Variants in CHRNE observed in about 807,000 individuals in gnomAD.
CHRNE encodes the protein acetylcholine receptor subunit epsilon.
CHRNE carries 58 observed loss-of-function variants against 56.5 expected under a neutral mutation model. The observed-to-expected ratio is 1.03, with a 90% CI of 0.83 to 1.28. CHRNE has a LOEUF of 1.28. Among genes scored for constraint, CHRNE ranks in the 50% most tolerant of loss-of-function variants. The pLI is 0.00. For missense variants in CHRNE, 793 were observed against 688.9 expected (o/e 1.15, Z -1.69); for synonymous variants, 385 against 297.9 (o/e 1.29, Z -3.01).
chr17:4,903,830 AC>A (rs1171725870), upstream of CHRNE, among the ~76,000 whole-genome samples: 2 of 151,952 alleles, frequency 1.3e-5, no homozygotes, highest in African/African-American at 4.8e-5. Context: ...ACCTGATGAC[AC>A]CTTAATAGAT....
rs1309292778 is a variant in CHRNE, at chr17:4,899,109, T to C, written c.1220-2A>G. On this transcript the variant is annotated splice_acceptor_variant, in intron 10 of 11. Coordinates refer to ENST00000649488, the MANE Select transcript of CHRNE (RefSeq NM_000080.4). LOFTEE classifies it high-confidence loss of function. ...CGCCCAGGCTCTGGCAGAAGGCAGCTGGCGGGGAAAACACCGGGGTGGGCC... is the reference window on the plus strand; with the variant it reads ...CGCCCAGGCTCTGGCAGAAGGCAGCCGGCGGGGAAAACACCGGGGTGGGCC... 7 of 1,607,446 alleles carry C rather than the reference T, an allele frequency of 4.4e-6. No individual in the cohort carries two copies. In the East Asian group the frequency reaches 6.7e-5, roughly 15 times the overall value.
In CHRNE at chr17:4,899,376, C is replaced by T; in HGVS notation, c.1041G>A (p.Leu347=). 2.0e-6 allele frequency: 3 copies of T among 1,533,848 alleles called. No individual in the cohort carries two copies. Among genetic ancestry groups the T allele is most frequent in the South Asian group, 1.2e-5 (1 of 83,658 alleles). The change falls in exon 10 of 12, where the codon CTG becomes CTA. Residue 347 remains leucine (L), a synonymous_variant. Coordinates refer to ENST00000649488, the MANE Select transcript of CHRNE (RefSeq NM_000080.4). ...AGCCCAGGAGGCGCGGCAGCAGCTC[C>T]AGGAGAACCTGGGGCAGGGGCGGGG... ...AMSPRLRHVL[L]ELLPRLLGSP... is the part of the protein sequence containing the mutation.
At position 4,898,709 on chromosome 17, in the gene CHRNE, T is replaced by G. The variant is rs954132522; in HGVS notation, c.*27A>C. The stretch of plus-strand genomic sequence containing the variant: ...TTCAAAATCAATTTCCTACTGGAGA[T>G]GGGTGGGAAATTGAAGTCGGTGCGA... On this transcript the variant is annotated 3_prime_UTR_variant, in exon 12 of 12. Coordinates refer to ENST00000649488, the MANE Select transcript of CHRNE (RefSeq NM_000080.4). 1 of 1,603,014 alleles carries G rather than the reference T, an allele frequency of 6.2e-7. No homozygotes were observed. Among genetic ancestry groups the G allele is most frequent in the African/African-American group, 1.3e-5 (1 of 74,790 alleles).
rs1567639631 is a variant in CHRNE, at chr17:4,902,039, G to A, written c.393C>T (p.Tyr131=). 3.1e-6 allele frequency: 5 copies of A among 1,614,126 alleles called. No homozygotes were observed. The highest frequency in any genetic ancestry group is 4.2e-6 in the Non-Finnish European group (5 of 1,180,046). ...GVAYDANVLV[Y]EGGSVTWLPP... is the part of the protein sequence containing the mutation. ...GCAGCCACGTCACGGAGCCGCCCTCGTAGACGAGCACGTTGGCGTCGTAGG... is the reference window on the plus strand; with the variant it reads ...GCAGCCACGTCACGGAGCCGCCCTCATAGACGAGCACGTTGGCGTCGTAGG... The change falls in exon 5 of 12, where the codon TAC becomes TAT. Residue 131 remains tyrosine, a synonymous_variant. Transcript: ENST00000649488. This position sits in a 1 kb window ranked among gnomAD's most constrained non-coding sequence, Gnocchi z 4.0.
chr17:4,898,885 ACACTT>A lies in CHRNE; in HGVS notation c.1328_1332del (p.Glu443ValfsTer11). ...GCATTCCCCATGCGCACCCAGTCGG[ACACTT>A]CCTGGGGAAGGGTCGGCACAGTCAG... On this transcript the variant is annotated frameshift_variant and splice_region_variant, in exon 12 of 12. Transcript: ENST00000649488. LOFTEE classifies it high-confidence loss of function. 1 of 1,579,356 alleles carries A rather than the reference ACACTT, an allele frequency of 6.3e-7. No homozygotes were observed. Among genetic ancestry groups the A allele is most frequent in the Non-Finnish European group, 8.6e-7 (1 of 1,163,054 alleles).
In CHRNE at chr17:4,901,183, G is replaced by A; in HGVS notation, c.609C>T (p.Gly203=). ...CCGGGCAGAAGTCGATGGCCCACTCGCCGTTCTCTGCGGGACGGGGGCACG... is the reference window on the plus strand; with the variant it reads ...CCGGGCAGAAGTCGATGGCCCACTCACCGTTCTCTGCGGGACGGGGGCACG... ...DIDTEAYTEN[G]EWAIDFCPGV... is the part of the protein sequence containing the mutation. Residue 203 remains glycine (G), a synonymous_variant, in exon 7 of 12, where the codon GGC becomes GGT. Coordinates refer to ENST00000649488, the MANE Select transcript of CHRNE (RefSeq NM_000080.4). The A allele has an allele frequency of 6.2e-7, 1 of 1,604,128 alleles. No individual in the cohort carries two copies. The highest frequency in any genetic ancestry group is 8.5e-7 in the Non-Finnish European group (1 of 1,178,960).
At chr17:4,905,927 G>C (rs1970087719), upstream of CHRNE, among the ~76,000 whole-genome samples, 1 of 152,284 alleles carries the variant, frequency 6.6e-6, no homozygotes, top group Admixed American at 6.5e-5. Context: ...GAACTTACTA[G>C]ACCAGTGTCA....
In CHRNE at chr17:4,901,620, T is replaced by A. The variant is rs148370803; in HGVS notation, c.506A>T (p.Gln169Leu). 297 of 1,613,902 alleles carry A rather than the reference T, an allele frequency of 1.8e-4. No homozygotes were observed. Among genetic ancestry groups the A allele is most frequent in the Middle Eastern group, 4.9e-4 (3 of 6,070 alleles). The change falls in exon 6 of 12, where the codon CAG becomes CTG. Residue 169 changes from glutamine (Q) to leucine (L), a missense_variant. Transcript: ENST00000649488. The part of the protein sequence containing the change: ...WQNCSLIFRS[Q>L]TYNAEEVEFT... The stretch of plus-strand genomic sequence containing the variant: ...CTCCACCTCTTCGGCATTGTACGTC[T>A]GAGAGCTGCGGAGCCAGGGCCGGGA...
chr17:4,902,611 G>C lies in CHRNE; in HGVS notation c.189+10C>G, dbSNP rs1341882862. On this transcript the variant is annotated intron_variant, in intron 2 of 11. Transcript: ENST00000649488. This position sits in a 1 kb window ranked among gnomAD's most constrained non-coding sequence, Gnocchi z 4.0. ...ATTTTTGGCTTAAGATGAGGGTGGG[G>C]GTAGCTTACCAGTGAGATGAGATTC... 2 of 1,614,098 alleles carry C rather than the reference G, an allele frequency of 1.2e-6. No individual in the cohort carries two copies. The highest frequency in any genetic ancestry group is 2.2e-5 in the East Asian group (1 of 44,862).
At chr17:4,906,412 TAC>T (rs1970093032), upstream of CHRNE, among the ~76,000 whole-genome samples, 1 of 152,128 alleles carries the variant, frequency 6.6e-6, no homozygotes, top group African/African-American at 2.4e-5. Flanking sequence ...CATAAATTAA[TAC>T]AGTTAATATA....
rs1332740871 is a variant in CHRNE at position 4,899,484 on chromosome 17, G to A, written c.1016C>T (p.Ser339Phe). 2 of 1,599,100 alleles carry A rather than the reference G, an allele frequency of 1.3e-6. No individual in the cohort carries two copies. Among genetic ancestry groups the A allele is most frequent in the East Asian group, 2.3e-5 (1 of 44,352 alleles). The change falls in exon 9 of 12, where the codon TCC becomes TTC. Residue 339 changes from serine (S) to phenylalanine (F), a missense_variant. Coordinates refer to ENST00000649488, the MANE Select transcript of CHRNE (RefSeq NM_000080.4). ...CGCGCTTACGTGGCGCAGCCGCGGG[G>A]ACATGGCGTGGGTGGTGGGCGTCCG... ...SQRTPTTHAM[S>F]PRLRHVLLEL...
At chr17:4,908,171 AAAT>A (rs1304890322) in intron 1 of CHRNE, among the ~76,000 whole-genome samples, 4 of 152,094 alleles carry the variant, frequency 2.6e-5, no homozygotes, top group East Asian at 1.9e-4. Flanking sequence ...CTCTGTCTCA[AAAT>A]AATAATAATA....
intron 1 of CHRNE, among the ~76,000 whole-genome samples, chr17:4,908,358 A>G (rs934021711): frequency 6.6e-6 from 1 of 152,196 alleles, no homozygotes; most frequent in Non-Finnish European, 1.5e-5. Flanking sequence ...GTGAGTGACC[A>G]GTGCATCCCA....
At chr17:4,906,556 C>T (rs1970094658), upstream of CHRNE, among the ~76,000 whole-genome samples, 1 of 151,998 alleles carries the variant, frequency 6.6e-6, no homozygotes, top group African/African-American at 2.4e-5. Context: ...CAAAATAAGA[C>T]ACACAAATGC....
chr17:4,900,434 G>A (rs1402743071), intron 8 of CHRNE: 8 of 1,550,946 alleles, frequency 5.2e-6, no homozygotes, highest in Non-Finnish European at 6.1e-6. Flanking sequence ...TGTGTGGACG[G>A]GGTCTGCAGG....
rs1048601616 is a variant in CHRNE, at chr17:4,899,781, T to C, written c.918-199A>G. Reference sequence around the variant, plus strand: ...GGCGGCCATGAAGGGGACCCCCAGCTCCCTGGACACCCTGATGTGGATCTA... The same window carrying C: ...GGCGGCCATGAAGGGGACCCCCAGCCCCCTGGACACCCTGATGTGGATCTA... On this transcript the variant is annotated intron_variant, in intron 8 of 11. Coordinates refer to ENST00000649488, the MANE Select transcript of CHRNE (RefSeq NM_000080.4). 3 of 1,550,904 alleles carry C rather than the reference T, an allele frequency of 1.9e-6. No homozygotes were observed. The African/African-American group carries it at 4.1e-5, about 21-fold the overall frequency.
rs777939796 is a variant in CHRNE, at chr17:4,901,039, A to G, written c.753T>C (p.Cys251=). 2.0e-5 allele frequency: 32 copies of G among 1,613,946 alleles called. No homozygotes were observed. The highest frequency in any genetic ancestry group is 2.6e-5 in the Non-Finnish European group (31 of 1,179,970). The change falls in exon 7 of 12, where the codon TGT becomes TGC. Residue 251 remains cysteine (C), a synonymous_variant. Coordinates refer to ENST00000649488, the MANE Select transcript of CHRNE (RefSeq NM_000080.4). ...LFYVINIIVP[C]VLISGLVLLA... is the part of the protein sequence containing the mutation. ...GCAGCACCAGGCCCGAGATGAGCACACAGGGCACGATGATGTTAATGACGT... is the reference window on the plus strand; with the variant it reads ...GCAGCACCAGGCCCGAGATGAGCACGCAGGGCACGATGATGTTAATGACGT...
intron 1 of CHRNE, among the ~76,000 whole-genome samples, chr17:4,908,439 G>A (rs530537386): frequency 6.6e-6 from 1 of 152,140 alleles, no homozygotes; most frequent in East Asian, 1.9e-4. Context: ...CATCACAGCA[G>A]TGCGTTCCTG....
chr17:4,906,777 G>C (rs549935441), upstream of CHRNE, among the ~76,000 whole-genome samples: 3 of 151,322 alleles, frequency 2.0e-5, no homozygotes, highest in South Asian at 4.2e-4. Context: ...AGAGAAAACT[G>C]TTTAAAAAAA....
Sources: allele counts gnomAD v4.1 joint callset (sites outside exome capture counted in the v4.1 genomes callset), GRCh38; gene constraint gnomAD v4.1.1; non-coding constraint Gnocchi (gnomAD v3.1); transcripts MANE v1.5; gene names NCBI Gene and HGNC (gene_info 2026-07-23, HGNC 2026-07-21).